TLCD4: variants seen among roughly 807,000 people sequenced by gnomAD.
The protein encoded by TLCD4 is TLC domain containing 4, also known as TLC domain-containing protein 4.
A neutral mutation model predicts 24.2 loss-of-function variants in TLCD4; 7 were observed. The observed-to-expected ratio is 0.29, with a 90% CI of 0.16 to 0.54. TLCD4 has a LOEUF of 0.54. TLCD4 is among the 20% of genes least tolerant of loss of function. The pLI, the probability that TLCD4 is intolerant of heterozygous loss-of-function variation, is 0.95. For missense variants in TLCD4, 259 were observed against 313.9 expected, an observed-to-expected ratio of 0.82 and a Z score of 1.32; for synonymous variants, 103 against 106.4, an observed-to-expected ratio of 0.97 and a Z score of 0.20.
At chr1:95,160,975 G>A (rs1209319979) in intron 5 of TLCD4, among the ~76,000 whole-genome samples, 2 of 151,940 alleles carry the variant, frequency 1.3e-5, no homozygotes, top group Admixed American at 1.3e-4. Flanking sequence ...TTTTTTTGTT[G>A]TGTCTCTGCC....
chr1:95,094,855 C>G, the TLCD4 span, among the ~76,000 whole-genome samples: 1 of 152,190 alleles, frequency 6.6e-6, no homozygotes, highest in East Asian at 1.9e-4. Flanking sequence ...TATCGCCTAT[C>G]CTGGATAATT....
chr1:95,150,396 C>A, intron 4 of TLCD4, 130 bp downstream of exon 4: 1 of 1,124,606 alleles, frequency 8.9e-7, no homozygotes, highest in Non-Finnish European at 1.2e-6. Flanking sequence ...GAAAAAAATA[C>A]CTCCCATGAT....
intron 5 of TLCD4, among the ~76,000 whole-genome samples, chr1:95,161,814 G>T (rs1049397260): frequency 3.3e-5 from 5 of 152,198 alleles, no homozygotes; most frequent in African/African-American, 1.2e-4. Context: ...GAGTGGTTTT[G>T]AGTGAGATTC....
At chr1:95,167,532 T>C (rs1678060897) in intron 5 of TLCD4, among the ~76,000 whole-genome samples, 1 of 151,842 alleles carries the variant, frequency 6.6e-6, no homozygotes, top group African/African-American at 2.4e-5. Flanking sequence ...GGGTCCAGGG[T>C]CTAAAACCCC....
the TLCD4 span, among the ~76,000 whole-genome samples, chr1:95,107,290 G>A: frequency 6.6e-6 from 1 of 152,164 alleles, no homozygotes; most frequent in African/African-American, 2.4e-5. Context: ...GGGCGTGGTG[G>A]TGGGCGCCTG....
chr1:95,093,074 G>T, the TLCD4 span, among the ~76,000 whole-genome samples: 1 of 152,322 alleles, frequency 6.6e-6, no homozygotes, highest in East Asian at 1.9e-4. Context: ...TATTGCTAAA[G>T]AAACCACAAA....
the TLCD4 span, among the ~76,000 whole-genome samples, chr1:95,095,490 T>C: frequency 6.2e-4 from 94 of 152,202 alleles, no homozygotes; most frequent in East Asian, 3.3e-3. Context: ...TTCCACCTCC[T>C]GGGTTCAAGT....
intron 5 of TLCD4, among the ~76,000 whole-genome samples, chr1:95,162,211 ATAGT>A (rs1311398754): frequency 6.6e-6 from 1 of 152,078 alleles, no homozygotes; most frequent in Non-Finnish European, 1.5e-5. Context: ...TATATTTAGG[ATAGT>A]TAGCTCTTCT....
intron 2 of TLCD4, among the ~76,000 whole-genome samples, chr1:95,145,523 G>T (rs779830979): frequency 6.6e-6 from 1 of 151,918 alleles, no homozygotes; most frequent in Non-Finnish European, 1.5e-5. Flanking sequence ...TGATTATTTT[G>T]TCTTAAGACT....
intron 2 of TLCD4, among the ~76,000 whole-genome samples, chr1:95,146,093 CAT>C (rs2100940073): frequency 6.6e-6 from 1 of 150,934 alleles, no homozygotes; most frequent in East Asian, 1.9e-4. Flanking sequence ...GGTAAACACA[CAT>C]AATTCTTTCT....
intron 6 of TLCD4, among the ~76,000 whole-genome samples, chr1:95,188,126 G>T (rs998897582): frequency 1.3e-5 from 2 of 152,118 alleles, no homozygotes; most frequent in Non-Finnish European, 2.9e-5. Flanking sequence ...GGTAGCTCAC[G>T]CCTGTAATCC....
the TLCD4 span, among the ~76,000 whole-genome samples, chr1:95,109,191 G>T: frequency 3.9e-5 from 6 of 152,016 alleles, no homozygotes; most frequent in African/African-American, 7.3e-5. Context: ...AGCCAGGCCT[G>T]GTGGGTGTGC....
chr1:95,111,528 T>A, the TLCD4 span, among the ~76,000 whole-genome samples: 1 of 152,128 alleles, frequency 6.6e-6, no homozygotes, highest in African/African-American at 2.4e-5. Flanking sequence ...TTACAAGATA[T>A]AAGCCACAAG....
intron 6 of TLCD4, among the ~76,000 whole-genome samples, chr1:95,177,125 G>T (rs570893167): frequency 5.4e-4 from 82 of 152,184 alleles, no homozygotes; most frequent in African/African-American, 1.8e-3. Flanking sequence ...GACTTCTGAA[G>T]TTCTCTGTGA....
chr1:95,143,541 T>C (rs2100936336), intron 1 of TLCD4, among the ~76,000 whole-genome samples: 1 of 152,280 alleles, frequency 6.6e-6, no homozygotes, highest in Admixed American at 6.5e-5. Context: ...AGAAATCGAT[T>C]TGTCATAAAT....
At chr1:95,158,647 G>A (rs1268885923) in intron 5 of TLCD4, among the ~76,000 whole-genome samples, 3 of 150,988 alleles carry the variant, frequency 2.0e-5, no homozygotes, top group Admixed American at 6.6e-5. Flanking sequence ...TCCTAATGCT[G>A]TCCGTCCCCC....
chr1:95,116,572 A>G (rs1216313504), upstream of TLCD4, among the ~76,000 whole-genome samples: 1 of 152,224 alleles, frequency 6.6e-6, no homozygotes, highest in South Asian at 2.1e-4. Context: ...ATTATAATGC[A>G]TGAGTATACC....
At chr1:95,109,443 CTT>C in the TLCD4 span, among the ~76,000 whole-genome samples, 1 of 151,228 alleles carries the variant, frequency 6.6e-6, no homozygotes, top group African/African-American at 2.4e-5. Context: ...CAAGTCTACT[CTT>C]GTGTCCTGCA....
rs1352782347 is a variant in TLCD4, at chr1:95,193,929, G to A, written c.*2061G>A. On this transcript the variant is annotated 3_prime_UTR_variant, in exon 7 of 7. Transcript: ENST00000370203. ...AAAATTTATATAATAAAACTATTTT[G>A]GAAATTCATTCTTTTAGAAAGAGAC... 1 of 151,850 alleles carries A rather than the reference G, an allele frequency of 6.6e-6. No homozygotes were observed. The highest frequency in any genetic ancestry group is 1.5e-5 in the Non-Finnish European group (1 of 67,908). 9.4% of individuals were successfully genotyped at this position (151,850 alleles called of 1,614,324 possible). A position where few individuals can be genotyped will look rare whatever the true frequency, so the allele number is the denominator to read the frequency against.
Sources: gnomAD v4.1 joint callset for allele counts (sites outside exome capture counted in the v4.1 genomes callset) on GRCh38, gnomAD v4.1.1 for gene constraint, MANE v1.5 for transcripts, NCBI Gene and HGNC (gene_info 2026-07-23, HGNC 2026-07-21) for gene names.